Variants in LYG2 observed in about 807,000 individuals in gnomAD.
LYG2 encodes lysozyme g-like protein 2.
In LYG2, 25 loss-of-function variants were observed where a neutral mutation model predicts 22.4. The ratio of observed to expected loss-of-function variants is 1.12; its 90% CI spans 0.81 to 1.56. The LOEUF is 1.56. Among genes scored for constraint, LYG2 ranks in the 40% most tolerant of loss-of-function variants. The probability of loss-of-function intolerance (pLI) is 0.00; values close to 1 mark genes in which losing one functional copy is unlikely to be tolerated. For missense variants in LYG2, 266 were observed against 269.5 expected, an observed-to-expected ratio of 0.99 and a Z score of 0.09; for synonymous variants, 88 against 97.0, an observed-to-expected ratio of 0.91 and a Z score of 0.55.
At chr2:99,249,809 C>T (rs922823088) in intron 3 of LYG2, among the ~76,000 whole-genome samples, 8 of 149,714 alleles carry the variant, frequency 5.3e-5, no homozygotes, top group Admixed American at 5.3e-4. Flanking sequence ...TCTCCCACCT[C>T]TGCTTCTGCC....
intron 2 of LYG2, 51 bp from the exon 3 acceptor site, chr2:99,254,336 C>G: frequency 6.8e-7 from 1 of 1,462,428 alleles, no homozygotes; most frequent in East Asian, 2.3e-5. Context: ...TGAAAATTTC[C>G]TAAAGAAAAA....
At chr2:99,243,011 T>C (rs185498642) in intron 6 of LYG2, among the ~76,000 whole-genome samples, 1 of 152,348 alleles carries the variant, frequency 6.6e-6, no homozygotes, top group East Asian at 1.9e-4. Context: ...TTAACATAAT[T>C]GTGCTCTGCT....
At chr2:99,256,278 C>G (rs2094036166), upstream of LYG2, among the ~76,000 whole-genome samples, 1 of 152,220 alleles carries the variant, frequency 6.6e-6, no homozygotes, top group Non-Finnish European at 1.5e-5. Context: ...GGCATGGCCT[C>G]TAGCCTTCCA....
intron 3 of LYG2, among the ~76,000 whole-genome samples, chr2:99,250,467 T>C (rs12472039): frequency 0.88 from 132,911 of 150,992 alleles, 58,675 homozygotes; most frequent in Middle Eastern, 0.98. Context: ...CTCCGCCTCC[T>C]GGGTTCATGC....
intron 3 of LYG2, among the ~76,000 whole-genome samples, chr2:99,247,922 T>G (rs926988118): frequency 9.3e-4 from 141 of 152,022 alleles, no homozygotes; most frequent in Non-Finnish European, 1.4e-3. Context: ...GTGGGCGAAG[T>G]ACATGAACAG....
intron 3 of LYG2, among the ~76,000 whole-genome samples, chr2:99,249,438 AAAG>A (rs1285514343): frequency 6.6e-6 from 1 of 151,304 alleles, no homozygotes; most frequent in East Asian, 1.9e-4. Context: ...AAAAAAAAAA[AAAG>A]GATTTTGTTA....
upstream of LYG2, among the ~76,000 whole-genome samples, chr2:99,256,166 C>T (rs1178349558): frequency 6.6e-6 from 1 of 152,192 alleles, no homozygotes; most frequent in Non-Finnish European, 1.5e-5. Flanking sequence ...AAAACCACCT[C>T]CACTCCCAGG....
At chr2:99,243,287 A>G (rs1242305683) in intron 6 of LYG2, 2 of 723,112 alleles carry the variant, frequency 2.8e-6, no homozygotes, top group African/African-American at 1.8e-5. Context: ...AGAAAGAGCA[A>G]ATTTATAGTG....
chr2:99,242,463 C>T lies in LYG2; in HGVS notation c.540G>A (p.Lys180=), dbSNP rs1247736995. The stretch of plus-strand genomic sequence containing the variant: ...GGGTGGCAATCGCTTCAATTCCTGA[C>T]TTAAAAGCTGAGAGACCACCTGAAA... ...QHLKGGLSAF[K]SGIEAIATPS... Residue 180 remains lysine (K), a synonymous_variant, in exon 7 of 7, where the codon AAG becomes AAA. Coordinates refer to ENST00000333017, the MANE Select transcript of LYG2 (RefSeq NM_175735.4). The T allele has an allele frequency of 6.2e-7, 1 of 1,611,432 alleles. No homozygotes were observed. The highest frequency in any genetic ancestry group is 1.1e-5 in the South Asian group (1 of 90,584).
chr2:99,258,458 C>T (rs1355467135), upstream of LYG2, among the ~76,000 whole-genome samples: 1 of 152,074 alleles, frequency 6.6e-6, no homozygotes, highest in Non-Finnish European at 1.5e-5. Flanking sequence ...AATTATAGGA[C>T]AGGAAGTAGG....
the LYG2 span, among the ~76,000 whole-genome samples, chr2:99,261,474 A>T: frequency 6.6e-6 from 1 of 152,182 alleles, no homozygotes; most frequent in Non-Finnish European, 1.5e-5. Context: ...TGCTTCCTGC[A>T]GTCTTGATTT....
intron 3 of LYG2, 100 bp from the exon 4 acceptor site, chr2:99,246,920 G>C (rs1018433158): frequency 4.5e-6 from 5 of 1,121,872 alleles, no homozygotes; most frequent in Non-Finnish European, 6.4e-6. Context: ...GCCACAGACA[G>C]AACTCCCCAA....
chr2:99,250,086 C>G (rs2094023374), intron 3 of LYG2, among the ~76,000 whole-genome samples: 2 of 152,188 alleles, frequency 1.3e-5, no homozygotes, highest in East Asian at 1.9e-4. Flanking sequence ...TTTGTTCACT[C>G]TCCTCCAGCC....
chr2:99,255,886 G>A (rs1300707714), upstream of LYG2, among the ~76,000 whole-genome samples: 1 of 152,182 alleles, frequency 6.6e-6, no homozygotes, highest in Non-Finnish European at 1.5e-5. Flanking sequence ...CAAGAAGAGA[G>A]TATCTTTCTT....
chr2:99,254,529 A>G (rs1032613720), intron 2 of LYG2, among the ~76,000 whole-genome samples: 4 of 152,058 alleles, frequency 2.6e-5, no homozygotes, highest in Non-Finnish European at 4.4e-5. Flanking sequence ...TATCTTACAT[A>G]TGTAACTAAA....
intron 4 of LYG2, among the ~76,000 whole-genome samples, chr2:99,245,757 A>G (rs1232463445): frequency 1.3e-5 from 2 of 152,136 alleles, no homozygotes; most frequent in Admixed American, 6.6e-5. Flanking sequence ...ATTCTAAGAC[A>G]TCCTTTTGAT....
upstream of LYG2, among the ~76,000 whole-genome samples, chr2:99,259,891 A>C (rs534661051): frequency 7.2e-5 from 11 of 151,994 alleles, no homozygotes; most frequent in Admixed American, 2.6e-4. Flanking sequence ...TACAGAACTG[A>C]CCCATCACCA....
chr2:99,256,599 A>C (rs2105277082), upstream of LYG2, among the ~76,000 whole-genome samples: 1 of 152,356 alleles, frequency 6.6e-6, no homozygotes, highest in Middle Eastern at 3.4e-3. Context: ...ATGATAAGTT[A>C]GGTAAAAGAG....
chr2:99,251,184 A>G (rs1326652723), intron 3 of LYG2, among the ~76,000 whole-genome samples: 2 of 152,174 alleles, frequency 1.3e-5, no homozygotes, highest in East Asian at 3.8e-4. Context: ...AACCATGTAA[A>G]TGTTATCATA....
Sources: gnomAD v4.1 joint callset for allele counts (sites outside exome capture counted in the v4.1 genomes callset) on GRCh38, gnomAD v4.1.1 for gene constraint, MANE v1.5 for transcripts, NCBI Gene and HGNC (gene_info 2026-07-23, HGNC 2026-07-21) for gene names.